Variants in CLEC16A observed in about 807,000 individuals in gnomAD.
CLEC16A encodes the protein protein CLEC16A.
In CLEC16A, 51 loss-of-function variants were observed where a neutral mutation model predicts 109.5. That is an observed-to-expected ratio of 0.47 (90% CI 0.37 to 0.59). The LOEUF (loss-of-function observed/expected upper bound fraction) is 0.59. Among genes scored for constraint, CLEC16A ranks in the 20% least tolerant of loss-of-function variants. The pLI is 0.00. For synonymous variants in CLEC16A, 673 were observed against 564.2 expected (o/e 1.19, Z -2.73); for missense variants, 1,339 against 1,394.0 (o/e 0.96, Z 0.63).
At chr16:11,040,127 C>T (rs1276436775) in intron 14 of CLEC16A, 4 of 462,212 alleles carry the variant, frequency 8.7e-6, no homozygotes, top group Non-Finnish European at 1.5e-5. Context: ...TCTTCCACAC[C>T]CCGCCCTTCT....
intron 19 of CLEC16A, among the ~76,000 whole-genome samples, chr16:11,092,983 C>T (rs903940747): frequency 2.0e-5 from 3 of 152,298 alleles, no homozygotes; most frequent in East Asian, 3.9e-4. Flanking sequence ...ACCCCAGTGT[C>T]GAGGCCCCCA....
At chr16:11,116,696 A>G (rs1185643245) in intron 19 of CLEC16A, among the ~76,000 whole-genome samples, 1 of 152,158 alleles carries the variant, frequency 6.6e-6, no homozygotes, top group African/African-American at 2.4e-5. Flanking sequence ...AGAGGGGGGA[A>G]ATCCTTGGAG....
chr16:10,957,992 T>C, intron 2 of CLEC16A, 82 bp downstream of exon 2: 1 of 1,396,966 alleles, frequency 7.2e-7, no homozygotes, highest in Non-Finnish European at 1.0e-6. Flanking sequence ...TCATTCTGGA[T>C]GATGTCAGGA....
intron 19 of CLEC16A, among the ~76,000 whole-genome samples, chr16:11,082,197 C>T (rs2049762111): frequency 6.6e-6 from 1 of 152,186 alleles, no homozygotes; most frequent in African/African-American, 2.4e-5. Flanking sequence ...TGTGTGCACA[C>T]GTGAGTGTGT....
intron 22 of CLEC16A, among the ~76,000 whole-genome samples, chr16:11,131,997 G>A (rs185134271): frequency 2.6e-4 from 40 of 152,268 alleles, no homozygotes; most frequent in Admixed American, 5.2e-4. Flanking sequence ...GCTCTGCTCC[G>A]ATACCTCAAA....
intron 1 of CLEC16A, 66 bp downstream of exon 1, chr16:10,944,863 G>T: frequency 6.9e-7 from 1 of 1,446,690 alleles, no homozygotes; most frequent in Non-Finnish European, 9.5e-7. Flanking sequence ...CGAGCTCCGG[G>T]TCGGGGCTCT....
At chr16:11,168,111 G>A (rs1342350951) in intron 23 of CLEC16A, among the ~76,000 whole-genome samples, 1 of 152,154 alleles carries the variant, frequency 6.6e-6, no homozygotes, top group Non-Finnish European at 1.5e-5. Flanking sequence ...GTTAACACCG[G>A]CAAAGACCCA....
At chr16:11,070,073 C>T (rs1452102077) in intron 19 of CLEC16A, among the ~76,000 whole-genome samples, 2 of 92,974 alleles carry the variant, frequency 2.2e-5, no homozygotes, top group African/African-American at 7.4e-5. Context: ...GAACTGCCAC[C>T]ATTTTTTTTT....
intron 19 of CLEC16A, among the ~76,000 whole-genome samples, chr16:11,063,208 T>A (rs2048580312): frequency 6.6e-6 from 1 of 151,978 alleles, no homozygotes; most frequent in Non-Finnish European, 1.5e-5. Context: ...TAGTAGGGAT[T>A]ATGGAAGCAC....
intron 23 of CLEC16A, among the ~76,000 whole-genome samples, chr16:11,170,876 T>C (rs1392591922): frequency 1.3e-5 from 2 of 152,216 alleles, no homozygotes; most frequent in African/African-American, 2.4e-5. Flanking sequence ...CAGCAGGTTC[T>C]GACAGCCGAT....
chr16:11,142,226 C>T (rs1341307786), intron 22 of CLEC16A, among the ~76,000 whole-genome samples: 1 of 152,252 alleles, frequency 6.6e-6, no homozygotes, highest in Non-Finnish European at 1.5e-5. Context: ...CGGACCCCCA[C>T]AGTCTGCTCA....
intron 10 of CLEC16A, among the ~76,000 whole-genome samples, chr16:10,990,173 A>G (rs1247825220): frequency 1.3e-5 from 2 of 152,242 alleles, no homozygotes; most frequent in East Asian, 3.8e-4. Context: ...CCACAAGGGA[A>G]TTAGAGCTTG....
intron 19 of CLEC16A, among the ~76,000 whole-genome samples, chr16:11,091,503 C>T (rs532817280): frequency 2.0e-5 from 3 of 152,196 alleles, no homozygotes; most frequent in South Asian, 4.1e-4. Context: ...AGGCCTCCCC[C>T]ACCTCTGCAG....
intron 9 of CLEC16A, among the ~76,000 whole-genome samples, chr16:10,982,064 C>T (rs995229856): frequency 1.3e-5 from 2 of 152,260 alleles, no homozygotes; most frequent in African/African-American, 4.8e-5. Flanking sequence ...CAAACATGCA[C>T]ACGCTTTTCT....
intron 19 of CLEC16A, among the ~76,000 whole-genome samples, chr16:11,108,027 G>A (rs950604366): frequency 1.3e-5 from 2 of 152,210 alleles, no homozygotes; most frequent in African/African-American, 4.8e-5. Context: ...AGGCATGCGA[G>A]GCTGATTTTC....
In CLEC16A at chr16:11,174,346, G is replaced by A; in HGVS notation, c.2807-3989G>A. On this transcript the variant is annotated intron_variant, in intron 23 of 23. Transcript: ENST00000409790. The surrounding 1 kb of genome is among the most constrained non-coding windows in gnomAD (Gnocchi z 4.7). Reference sequence around the variant, plus strand: ...CCACGCTGCATTTCCACAGTCGGCAGGGTCCGCGCTGGCAAGGTGGGCCAA... The same window carrying A: ...CCACGCTGCATTTCCACAGTCGGCAAGGTCCGCGCTGGCAAGGTGGGCCAA... 1 of 409,374 alleles carries A rather than the reference G, an allele frequency of 2.4e-6. No homozygotes were observed. The highest frequency in any genetic ancestry group is 7.5e-5 in the East Asian group (1 of 13,264). The allele number at this position is 409,374 out of a possible 1,614,324, so 25.4% of individuals were successfully genotyped here. A position where few individuals can be genotyped will look rare whatever the true frequency, so the allele number is the denominator to read the frequency against.
At chr16:10,964,855 T>C (rs2042425382) in intron 3 of CLEC16A, among the ~76,000 whole-genome samples, 1 of 152,204 alleles carries the variant, frequency 6.6e-6, no homozygotes, top group Non-Finnish European at 1.5e-5. Flanking sequence ...ATCCATCACC[T>C]CACTTTTGTG....
intron 4 of CLEC16A, among the ~76,000 whole-genome samples, chr16:10,970,822 C>T (rs1370964480): frequency 2.0e-5 from 3 of 152,218 alleles, no homozygotes; most frequent in African/African-American, 7.2e-5. Context: ...TCACATCTCA[C>T]TGCAGCCTCC....
intron 19 of CLEC16A, among the ~76,000 whole-genome samples, chr16:11,105,022 C>T (rs2051134000): frequency 6.6e-6 from 1 of 152,166 alleles, no homozygotes; most frequent in African/African-American, 2.4e-5. Context: ...GCATAATGAG[C>T]TTAAGTATTC....
Sources: allele counts gnomAD v4.1 joint callset (sites outside exome capture counted in the v4.1 genomes callset), GRCh38; gene constraint gnomAD v4.1.1; non-coding constraint Gnocchi (gnomAD v3.1); transcripts MANE v1.5; gene names NCBI Gene and HGNC (gene_info 2026-07-23, HGNC 2026-07-21).